COPS4: variants seen among roughly 807,000 people sequenced by gnomAD.
The protein encoded by COPS4 is COP9 signalosome subunit 4, also known as COP9 signalosome complex subunit 4.
Under a neutral mutation model 55.1 loss-of-function variants are expected in COPS4, and 8 were observed. That is an observed-to-expected ratio of 0.15 (90% CI 0.09 to 0.26). The LOEUF (loss-of-function observed/expected upper bound fraction) is 0.26, where lower values mean the gene tolerates loss of function less well. Among genes scored for constraint, COPS4 ranks in the 10% least tolerant of loss-of-function variants. The pLI, the probability that COPS4 is intolerant of heterozygous loss-of-function variation, is 1.00. For missense variants in COPS4, 248 were observed against 484.0 expected (o/e 0.51, Z 4.58); for synonymous variants, 185 against 165.7 (o/e 1.12, Z -0.90).
chr4:83,066,643 A>G (rs1010662596), intron 8 of COPS4, 90 bp downstream of exon 8: 5 of 646,252 alleles, frequency 7.7e-6, no homozygotes, highest in Non-Finnish European at 2.7e-6. Flanking sequence ...TGGAAACAAC[A>G]TTTATTATCT....
intron 9 of COPS4, among the ~76,000 whole-genome samples, chr4:83,070,796 CAAAT>C (rs1213242912): frequency 2.6e-5 from 4 of 152,172 alleles, no homozygotes; most frequent in African/African-American, 9.6e-5. Flanking sequence ...AAGAAATAAA[CAAAT>C]AGTTAAATCA....
chr4:83,071,997 A>G (rs1364631544), intron 9 of COPS4, among the ~76,000 whole-genome samples: 4 of 152,142 alleles, frequency 2.6e-5, no homozygotes, highest in Non-Finnish European at 5.9e-5. Flanking sequence ...GACGTGAGCT[A>G]CCGCTCCTGG....
At chr4:83,056,540 TG>T (rs771450998) in intron 4 of COPS4, among the ~76,000 whole-genome samples, 14 of 152,174 alleles carry the variant, frequency 9.2e-5, no homozygotes, top group Non-Finnish European at 1.9e-4. Flanking sequence ...GGCTCACGCC[TG>T]TAATCCCAGC....
At position 83,045,812 on chromosome 4, in the gene COPS4, AGATT is replaced by A. The variant is rs1057494331; in HGVS notation, c.154+116_154+119del. 154 of 632,624 alleles carry A rather than the reference AGATT, an allele frequency of 2.4e-4. 1 individual carries two copies. The African/African-American group carries it at 2.5e-3, about 10-fold the overall frequency. 39.2% of individuals were successfully genotyped at this position (632,624 alleles called of 1,614,324 possible). A position where few individuals can be genotyped will look rare whatever the true frequency, so the allele number is the denominator to read the frequency against. On this transcript the variant is annotated intron_variant, in intron 2 of 9. Transcript: ENST00000264389. ...AATTATCAATATTAAATATGCATTG[AGATT>A]GATTGATTTTAGAATTTAAACTGTT...
At position 83,049,864 on chromosome 4, in the gene COPS4, T is replaced by A. The variant is rs773037270; in HGVS notation, c.307-17T>A. ...ATGTCAGTTGAAATAATTTGACATG[T>A]ATACCTATTATTCCAGGTTGCTTCC... On this transcript the variant is annotated splice_polypyrimidine_tract_variant and intron_variant, in intron 3 of 9. Transcript: ENST00000264389. 1.4e-6 allele frequency: 2 copies of A among 1,394,036 alleles called. No individual in the cohort carries two copies. The highest frequency in any genetic ancestry group is 2.5e-5 in the South Asian group (2 of 78,476). 86.4% of individuals were successfully genotyped at this position (1,394,036 alleles called of 1,614,324 possible).
At chr4:83,040,507 A>G (rs1730534457) in intron 1 of COPS4, among the ~76,000 whole-genome samples, 1 of 152,180 alleles carries the variant, frequency 6.6e-6, no homozygotes, top group Admixed American at 6.5e-5. Flanking sequence ...TGGAACTTCC[A>G]TTCCCATTTG....
At chr4:83,067,639 C>T (rs1308625711) in intron 8 of COPS4, among the ~76,000 whole-genome samples, 4 of 151,440 alleles carry the variant, frequency 2.6e-5, no homozygotes, top group African/African-American at 9.7e-5. Context: ...GCTGGGACTA[C>T]AGGCATGAGT....
intron 4 of COPS4, among the ~76,000 whole-genome samples, chr4:83,056,122 G>A (rs1403499651): frequency 6.6e-6 from 1 of 151,922 alleles, no homozygotes; most frequent in East Asian, 1.9e-4. Flanking sequence ...AGTAGAGACA[G>A]GGTTTTACCA....
intron 8 of COPS4, 111 bp downstream of exon 8, chr4:83,066,664 T>C: frequency 1.7e-6 from 1 of 595,776 alleles, no homozygotes. Context: ...TCCAACAAAA[T>C]AAATGTTGGA....
At chr4:83,066,668 T>C in intron 8 of COPS4, 115 bp downstream of exon 8, 1 of 591,924 alleles carries the variant, frequency 1.7e-6, no homozygotes, top group Non-Finnish European at 3.0e-6. Flanking sequence ...ACAAAATAAA[T>C]GTTGGAAACA....
chr4:83,041,266 TTGG>T (rs1161339216), intron 1 of COPS4, among the ~76,000 whole-genome samples: 1 of 151,952 alleles, frequency 6.6e-6, no homozygotes, highest in East Asian at 1.9e-4. Context: ...TTTCACCATG[TTGG>T]GCAGGCTGGT....
Position 83,059,990 on chromosome 4 carries a change from C to T in COPS4, c.715+2582C>T, listed in dbSNP as rs556475504. On this transcript the variant is annotated intron_variant, in intron 6 of 9. Transcript: ENST00000264389. ...TGCTGGGATTACAGGTGTGAGCCAC[C>T]GCACCCGGCCGAAACAGCTCCATTC... Among the ~76,000 whole-genome samples the T allele has an allele frequency of 9.3e-4, 141 of 152,136 alleles. 1 individual carries two copies. Among genetic ancestry groups the T allele is most frequent in the African/African-American group, 3.3e-3 (136 of 41,512 alleles).
In COPS4 at chr4:83,068,418, GT is replaced by G. The variant is rs5859858; in HGVS notation, c.1003-11del. 482 of 1,499,858 alleles carry G rather than the reference GT, an allele frequency of 3.2e-4. 1 individual carries two copies. Among genetic ancestry groups the G allele is most frequent in the Admixed American group, 5.6e-4 (32 of 57,572 alleles). The allele number at this position is 1,499,858 out of a possible 1,614,324, so 92.9% of individuals were successfully genotyped here. A position where few individuals can be genotyped will look rare whatever the true frequency, so the allele number is the denominator to read the frequency against. On this transcript the variant is annotated intron_variant, in intron 8 of 9. Coordinates refer to ENST00000264389, the MANE Select transcript of COPS4 (RefSeq NM_016129.3). Reference sequence around the variant, plus strand: ...AAAAGATATGATAAAGTTTCTGAGAGTTTTTTTTTCCCCCAATAGGCGGAAA... The same window carrying G: ...AAAAGATATGATAAAGTTTCTGAGAGTTTTTTTTCCCCCAATAGGCGGAAA...
chr4:83,048,808 AT>A (rs1156883909), intron 2 of COPS4, among the ~76,000 whole-genome samples: 2 of 148,282 alleles, frequency 1.3e-5, no homozygotes, highest in Non-Finnish European at 1.5e-5. Context: ...TGCCTGACTA[AT>A]TTTTTTTTTG....
chr4:83,042,520 T>A (rs1340326467), intron 1 of COPS4, among the ~76,000 whole-genome samples: 4 of 151,190 alleles, frequency 2.6e-5, no homozygotes, highest in South Asian at 2.1e-4. Flanking sequence ...TTAATTAATT[T>A]TTTTTTTTTT....
intron 9 of COPS4, among the ~76,000 whole-genome samples, chr4:83,071,742 T>C (rs968514880): frequency 6.6e-6 from 1 of 151,938 alleles, no homozygotes; most frequent in African/African-American, 2.4e-5. Context: ...GATGGGAGTC[T>C]TGCTCTGTTG....
chr4:83,035,500 C>T, intron 1 of COPS4: 1 of 403,578 alleles, frequency 2.5e-6, no homozygotes, highest in South Asian at 2.0e-5. Flanking sequence ...GCCTTCGAGG[C>T]TATAGACTTG....
intron 2 of COPS4, among the ~76,000 whole-genome samples, chr4:83,047,324 C>G (rs992056499): frequency 6.6e-6 from 1 of 152,114 alleles, no homozygotes; most frequent in Non-Finnish European, 1.5e-5. Flanking sequence ...TGGCACCCAG[C>G]CAAGGGATCA....
Position 83,073,115 on chromosome 4 carries a change from T to A in COPS4, c.1088-2182T>A, listed in dbSNP as rs1731480530. 4 of 516,152 alleles carry A rather than the reference T, an allele frequency of 7.7e-6. No homozygotes were observed. The Admixed American group carries it at 9.2e-5, about 12-fold the overall frequency. 32.0% of individuals were successfully genotyped at this position (516,152 alleles called of 1,614,324 possible). On this transcript the variant is annotated intron_variant, in intron 9 of 9. Transcript: ENST00000264389. ...AGTATATTTACAATGTTGTACAACC[T>A]CTATCTCTGTCTAGTTTCACGACAT...
Sources: allele counts gnomAD v4.1 joint callset (sites outside exome capture counted in the v4.1 genomes callset), GRCh38; gene constraint gnomAD v4.1.1; transcripts MANE v1.5; gene names NCBI Gene and HGNC (gene_info 2026-07-23, HGNC 2026-07-21).